Variants in SYCP2L observed in about 807,000 individuals in gnomAD.
SYCP2L encodes the protein synaptonemal complex protein 2 like.
In SYCP2L, 98 loss-of-function variants were observed where a neutral mutation model predicts 125.8. The ratio of observed to expected loss-of-function variants is 0.78; its 90% CI spans 0.66 to 0.92. SYCP2L has a LOEUF of 0.92. Among genes scored for constraint, SYCP2L ranks in the 40% least tolerant of loss-of-function variants. The pLI is 0.00. For synonymous variants in SYCP2L, 317 were observed against 325.4 expected (o/e 0.97, Z 0.28); for missense variants, 842 against 936.4 (o/e 0.90, Z 1.32).
chr6:10,968,423 G>T (rs1011425431), intron 29 of SYCP2L, among the ~76,000 whole-genome samples: 2 of 152,160 alleles, frequency 1.3e-5, no homozygotes, highest in African/African-American at 2.4e-5. Flanking sequence ...CAGCAGGGAG[G>T]TTTCTGTGAG....
rs1244243384 is a variant in SYCP2L at position 10,907,072 on chromosome 6, G to A, written c.677-470G>A. ...AATTTAAATGATTTTGGCTAGGCAT[G>A]GTGGCTCATGCCTACAATTCCGGCA... On this transcript the variant is annotated intron_variant, in intron 9 of 29. Transcript: ENST00000283141. Among the ~76,000 whole-genome samples, 9 of 152,142 alleles carry A rather than the reference G, an allele frequency of 5.9e-5. No homozygotes were observed. In the East Asian group the frequency reaches 1.5e-3, roughly 26 times the overall value.
Position 10,898,712 on chromosome 6 carries a change from T to G in SYCP2L, c.442-112T>G. 6.5e-6 allele frequency: 5 copies of G among 770,766 alleles called. No individual in the cohort carries two copies. In the South Asian group the frequency reaches 7.5e-5, roughly 12 times the overall value. 47.7% of individuals were successfully genotyped at this position (770,766 alleles called of 1,614,324 possible). ...GGCTTTCTCTAAAATGCTTTTCTTC[T>G]GTAAAGTCAATGCCTGCCTGTTAGA... On this transcript the variant is annotated intron_variant, in intron 5 of 29. Transcript: ENST00000283141.
chr6:10,953,186 C>T (rs1002190866), intron 23 of SYCP2L, among the ~76,000 whole-genome samples: 6 of 152,094 alleles, frequency 3.9e-5, no homozygotes, highest in Admixed American at 3.3e-4. Context: ...TTTTCTTTCT[C>T]AATTGGTATT....
At chr6:10,955,438 G>A (rs550456822) in intron 24 of SYCP2L, among the ~76,000 whole-genome samples, 3 of 152,168 alleles carry the variant, frequency 2.0e-5, no homozygotes, top group Non-Finnish European at 2.9e-5. Flanking sequence ...TTTCTTCCTC[G>A]TAACTCTTCC....
intron 14 of SYCP2L, among the ~76,000 whole-genome samples, chr6:10,921,806 T>G (rs750872932): frequency 6.6e-6 from 1 of 151,802 alleles, no homozygotes. Context: ...CCTGGGTTCA[T>G]GCCATTCTTC....
chr6:10,899,972 A>G (rs1029093290), intron 6 of SYCP2L, among the ~76,000 whole-genome samples: 2 of 152,234 alleles, frequency 1.3e-5, no homozygotes, highest in African/African-American at 4.8e-5. Context: ...TCCCAACAAT[A>G]TGTATATACT....
intron 26 of SYCP2L, 73 bp from the exon 27 acceptor site, chr6:10,961,232 G>GC (rs1781587294): frequency 8.4e-7 from 1 of 1,194,416 alleles, no homozygotes. Context: ...CTTGTAATCA[G>GC]ATGACTTATT....
intron 14 of SYCP2L, among the ~76,000 whole-genome samples, chr6:10,919,505 G>T (rs1780752111): frequency 6.6e-6 from 1 of 152,166 alleles, no homozygotes; most frequent in Non-Finnish European, 1.5e-5. Context: ...ACTCTGTGAT[G>T]GTTCTTAACT....
chr6:10,970,449 T>C (rs892058204), intron 29 of SYCP2L, among the ~76,000 whole-genome samples: 3 of 152,078 alleles, frequency 2.0e-5, no homozygotes, highest in African/African-American at 7.2e-5. Context: ...TGGGTAGTAG[T>C]CAAAGGACTA....
chr6:10,911,224 G>A (rs978855686), intron 12 of SYCP2L, among the ~76,000 whole-genome samples: 8 of 151,962 alleles, frequency 5.3e-5, no homozygotes, highest in African/African-American at 9.7e-5. Flanking sequence ...CTTTCCTTCC[G>A]GTTTATGCCC....
intron 29 of SYCP2L, among the ~76,000 whole-genome samples, chr6:10,965,727 T>G (rs1781665815): frequency 6.6e-6 from 1 of 152,202 alleles, no homozygotes; most frequent in Non-Finnish European, 1.5e-5. Flanking sequence ...CATAGAAGAT[T>G]AAACATTTCC....
In SYCP2L at chr6:10,902,963, T is replaced by C; in HGVS notation, c.641T>C (p.Met214Thr). Residue 214 changes from methionine (M) to threonine (T), a missense_variant and splice_region_variant, in exon 8 of 30, where the codon ATG (methionine) becomes ACG (threonine). Transcript: ENST00000283141. ...FPLSEGMCHLMKDLARTLLTV... is the reference protein window; with the variant it reads ...FPLSEGMCHLTKDLARTLLTV... ...TTGTCAGAAGGCATGTGTCATCTTA[T>C]GTAAGTGACTTTGTATAAGTTACGT... 1.2e-6 allele frequency: 2 copies of C among 1,613,266 alleles called. No homozygotes were observed. The highest frequency in any genetic ancestry group is 1.7e-6 in the Non-Finnish European group (2 of 1,179,196).
At chr6:10,916,508 T>A (rs1249067832) in intron 14 of SYCP2L, among the ~76,000 whole-genome samples, 1 of 152,220 alleles carries the variant, frequency 6.6e-6, no homozygotes, top group Non-Finnish European at 1.5e-5. Context: ...GAGGTTTTGA[T>A]AGGTTGTGTC....
intron 29 of SYCP2L, among the ~76,000 whole-genome samples, chr6:10,971,005 G>C (rs1014694976): frequency 1.3e-5 from 2 of 152,098 alleles, no homozygotes; most frequent in African/African-American, 4.8e-5. Flanking sequence ...GGGGGAAGGC[G>C]GTTACCGAGG....
At chr6:10,945,398 T>G (rs904141727) in intron 23 of SYCP2L, among the ~76,000 whole-genome samples, 1 of 152,332 alleles carries the variant, frequency 6.6e-6, no homozygotes, top group East Asian at 1.9e-4. Context: ...TTAAAAACTT[T>G]CGCTATGATT....
chr6:10,921,881 A>T (rs900038855), intron 14 of SYCP2L, among the ~76,000 whole-genome samples: 3 of 151,200 alleles, frequency 2.0e-5, no homozygotes, highest in African/African-American at 7.3e-5. Flanking sequence ...AATTTTTTGT[A>T]TTTTTTAGTA....
At chr6:10,958,537 G>A (rs1417619228) in intron 25 of SYCP2L, among the ~76,000 whole-genome samples, 1 of 152,082 alleles carries the variant, frequency 6.6e-6, no homozygotes, top group Non-Finnish European at 1.5e-5. Flanking sequence ...TTGGGTGGGG[G>A]CAAATATGCA....
chr6:10,942,376 G>A, intron 21 of SYCP2L, 83 bp from the exon 22 acceptor site: 1 of 887,816 alleles, frequency 1.1e-6, no homozygotes. Flanking sequence ...TTGATGATGA[G>A]ATTTAATATC....
At chr6:10,922,052 A>G (rs1780809213) in intron 14 of SYCP2L, among the ~76,000 whole-genome samples, 1 of 152,082 alleles carries the variant, frequency 6.6e-6, no homozygotes, top group African/African-American at 2.4e-5. Context: ...GTTTTTCATA[A>G]TTGCATTCCT....
Sources: gnomAD v4.1 joint callset for allele counts (sites outside exome capture counted in the v4.1 genomes callset) on GRCh38, gnomAD v4.1.1 for gene constraint, MANE v1.5 for transcripts, NCBI Gene and HGNC (gene_info 2026-07-23, HGNC 2026-07-21) for gene names.